GUCY1A2: variants seen among roughly 807,000 people sequenced by gnomAD.
The protein encoded by GUCY1A2 is guanylate cyclase 1 soluble subunit alpha 2.
GUCY1A2 carries 27 observed loss-of-function variants against 63.5 expected under a neutral mutation model. The observed-to-expected ratio is 0.43, with a 90% CI of 0.31 to 0.59. GUCY1A2 has a LOEUF of 0.59. Ranked by LOEUF, GUCY1A2 falls within the 20% of genes least tolerant of loss-of-function variation. GUCY1A2 has a pLI of 0.11. For missense variants in GUCY1A2, 768 were observed against 913.3 expected, an observed-to-expected ratio of 0.84 and a Z score of 2.05; for synonymous variants, 364 against 343.5, an observed-to-expected ratio of 1.06 and a Z score of -0.66.
At position 106,828,021 on chromosome 11, in the gene GUCY1A2, G is replaced by C. The variant is rs1370277487; in HGVS notation, c.1207-17543C>G. On this transcript the variant is annotated intron_variant, in intron 4 of 7. Transcript: ENST00000526355. ...AGAGAATCCGACCTACGGGTGCTCGGGCCCTTTGCCCACTTTTAATGTAGC... is the reference window on the plus strand; with the variant it reads ...AGAGAATCCGACCTACGGGTGCTCGCGCCCTTTGCCCACTTTTAATGTAGC... The C allele has an allele frequency of 1.5e-5, 10 of 651,000 alleles. No individual in the cohort carries two copies. The Admixed American group carries it at 2.8e-4, about 18-fold the overall frequency. The allele number at this position is 651,000 out of a possible 1,614,324, so 40.3% of individuals were successfully genotyped here. A position where few individuals can be genotyped will look rare whatever the true frequency, so the allele number is the denominator to read the frequency against.
chr11:106,775,850 G>T (rs1009411473), intron 6 of GUCY1A2, among the ~76,000 whole-genome samples: 6 of 152,200 alleles, frequency 3.9e-5, no homozygotes, highest in Non-Finnish European at 8.8e-5. Flanking sequence ...TATGGTAGAT[G>T]ACCTCATTCA....
chr11:106,752,274 T>C (rs531830607), intron 6 of GUCY1A2, among the ~76,000 whole-genome samples: 1 of 152,282 alleles, frequency 6.6e-6, no homozygotes, highest in South Asian at 2.1e-4. Context: ...AAGGTAAACT[T>C]GGTGAATATG....
intron 6 of GUCY1A2, among the ~76,000 whole-genome samples, chr11:106,729,997 C>A (rs1161443816): frequency 6.9e-6 from 1 of 145,332 alleles, no homozygotes; most frequent in African/African-American, 2.5e-5. Flanking sequence ...GCACATTATT[C>A]TCAAGTGATA....
intron 6 of GUCY1A2, among the ~76,000 whole-genome samples, chr11:106,709,316 T>G (rs1325522639): frequency 3.2e-5 from 2 of 63,200 alleles, no homozygotes; most frequent in Admixed American, 2.7e-4. Flanking sequence ...TTTATATATA[T>G]TTATATATAT....
chr11:107,015,331 C>G (rs1861804854), intron 1 of GUCY1A2, among the ~76,000 whole-genome samples: 1 of 152,024 alleles, frequency 6.6e-6, no homozygotes, highest in Admixed American at 6.5e-5. Flanking sequence ...ATTCTGAAAA[C>G]CATTCTCTGG....
intron 4 of GUCY1A2, among the ~76,000 whole-genome samples, chr11:106,866,190 C>T (rs929732021): frequency 2.0e-5 from 3 of 151,538 alleles, no homozygotes; most frequent in Admixed American, 2.0e-4. Flanking sequence ...CCTTCGTTTC[C>T]TCAAATGAAA....
Position 106,894,048 on chromosome 11 carries a change from T to C in GUCY1A2, c.1206+45412A>G, listed in dbSNP as rs542436974. 1.8e-4 allele frequency among the ~76,000 whole-genome samples: 27 copies of C among 152,256 alleles called. No individual in the cohort carries two copies. In the South Asian group the frequency reaches 2.3e-3, roughly 13 times the overall value. On this transcript the variant is annotated intron_variant, in intron 4 of 7. Coordinates refer to ENST00000526355, the MANE Select transcript of GUCY1A2 (RefSeq NM_000855.3). ...AAAAATGTCTGCCCTCAGGAGAATA[T>C]ATGTAATCACTGCCTATCCTACTAG...
intron 4 of GUCY1A2, among the ~76,000 whole-genome samples, chr11:106,812,928 T>G (rs981654707): frequency 6.6e-6 from 1 of 152,038 alleles, no homozygotes; most frequent in Non-Finnish European, 1.5e-5. Flanking sequence ...ATGGGCAGAT[T>G]CAATGGCACC....
At chr11:106,757,496 C>T (rs987759751) in intron 6 of GUCY1A2, among the ~76,000 whole-genome samples, 13 of 152,088 alleles carry the variant, frequency 8.5e-5, no homozygotes, top group African/African-American at 2.9e-4. Flanking sequence ...ATTTATCTAC[C>T]TTGGTCTTTG....
chr11:106,873,332 G>A (rs1041244732), intron 4 of GUCY1A2, among the ~76,000 whole-genome samples: 3 of 152,122 alleles, frequency 2.0e-5, no homozygotes, highest in Non-Finnish European at 2.9e-5. Flanking sequence ...CTAGATCCTT[G>A]AGGAATCACC....
At chr11:106,998,846 C>A (rs536898220) in intron 1 of GUCY1A2, among the ~76,000 whole-genome samples, 77 of 152,030 alleles carry the variant, frequency 5.1e-4, no homozygotes, top group African/African-American at 1.9e-3. Flanking sequence ...AATGCCACAT[C>A]ATCAAAAATG....
chr11:106,808,296 T>G (rs189341246), intron 5 of GUCY1A2, among the ~76,000 whole-genome samples: 1,964 of 152,164 alleles, frequency 0.013, 27 homozygotes, highest in South Asian at 0.049. Flanking sequence ...ATATAAACAT[T>G]TTGTAAGTTA....
chr11:106,692,547 C>G (rs1379876811), intron 7 of GUCY1A2, among the ~76,000 whole-genome samples: 1 of 152,128 alleles, frequency 6.6e-6, no homozygotes, highest in African/African-American at 2.4e-5. Context: ...TCACCAAGCT[C>G]TGTGCTCTGT....
intron 3 of GUCY1A2, among the ~76,000 whole-genome samples, chr11:106,972,693 G>C (rs960927448): frequency 6.6e-6 from 1 of 152,058 alleles, no homozygotes; most frequent in African/African-American, 2.4e-5. Flanking sequence ...AAAATATCTA[G>C]GAGAAGAGGG....
rs558998739 is a variant in GUCY1A2 at position 106,699,447 on chromosome 11, A to T, written c.1991+9065T>A. On this transcript the variant is annotated intron_variant, in intron 7 of 7. Transcript: ENST00000526355. ...ATATATTTATGTATATGATTCCCACATTTAAGCAGAGTTGCCAATCACAGT... is the reference window on the plus strand; with the variant it reads ...ATATATTTATGTATATGATTCCCACTTTTAAGCAGAGTTGCCAATCACAGT... Among the ~76,000 whole-genome samples the T allele has an allele frequency of 1.1e-3, 168 of 152,354 alleles. 3 individuals carry two copies. The highest frequency in any genetic ancestry group is 3.8e-3 in the African/African-American group (159 of 41,586).
chr11:107,014,181 C>CG (rs1219086636), intron 1 of GUCY1A2, among the ~76,000 whole-genome samples: 2 of 148,054 alleles, frequency 1.4e-5, no homozygotes, highest in Non-Finnish European at 3.0e-5. Flanking sequence ...CTCTGCCTCC[C>CG]GGGTTCAAGC....
intron 4 of GUCY1A2, among the ~76,000 whole-genome samples, chr11:106,820,571 G>T (rs1017918922): frequency 6.6e-6 from 1 of 152,002 alleles, no homozygotes; most frequent in Non-Finnish European, 1.5e-5. Flanking sequence ...GCTAATTTTT[G>T]TATTTTTAGT....
chr11:106,739,927 C>T (rs891120339), intron 6 of GUCY1A2, among the ~76,000 whole-genome samples: 1 of 151,814 alleles, frequency 6.6e-6, no homozygotes, highest in Non-Finnish European at 1.5e-5. Flanking sequence ...AGGTCCCTAG[C>T]AGCACGACTG....
chr11:106,810,134 A>C lies in GUCY1A2; in HGVS notation c.1551T>G (p.Phe517Leu). The C allele has an allele frequency of 6.2e-7, 1 of 1,614,006 alleles. No individual in the cohort carries two copies. Residue 517 changes from phenylalanine (F) to leucine (L), a missense_variant, in exon 5 of 8, where the codon TTT becomes TTG. Phe to Leu is a conservative substitution (Grantham distance 22). Transcript: ENST00000526355. The part of the protein sequence containing the change: ...WQGQQVQARK[F>L]DDVTMLFSDI... ...CTGAAAAGAGCATGGTGACATCATC[A>C]AACTTTCTGGCCTGTACTTGCTGCC...
Sources: allele counts gnomAD v4.1 joint callset (sites outside exome capture counted in the v4.1 genomes callset), GRCh38; gene constraint gnomAD v4.1.1; transcripts MANE v1.5; gene names NCBI Gene and HGNC (gene_info 2026-07-23, HGNC 2026-07-21).